Variants in BLVRA observed in about 807,000 individuals in gnomAD.
The protein encoded by BLVRA is biliverdin reductase A.
In BLVRA, 22 loss-of-function variants were observed where a neutral mutation model predicts 32.8. That is an observed-to-expected ratio of 0.67 (90% CI 0.48 to 0.96). BLVRA has a LOEUF of 0.96. BLVRA is among the 40% of genes least tolerant of loss of function. The probability of loss-of-function intolerance (pLI) is 0.00; values close to 1 mark genes in which losing one functional copy is unlikely to be tolerated. For synonymous variants in BLVRA, 119 were observed against 141.3 expected (o/e 0.84, Z 1.12); for missense variants, 323 against 358.1 (o/e 0.90, Z 0.79).
chr7:43,800,744 G>A (rs1292230309), intron 6 of BLVRA, among the ~76,000 whole-genome samples, 172 bp downstream of exon 6: 2 of 152,122 alleles, frequency 1.3e-5, no homozygotes, highest in Non-Finnish European at 2.9e-5. Flanking sequence ...TGGGTAAAGA[G>A]TATGTTAGAA....
intron 1 of BLVRA, among the ~76,000 whole-genome samples, chr7:43,763,326 G>A (rs1260037615): frequency 1.3e-5 from 2 of 152,104 alleles, no homozygotes; most frequent in African/African-American, 4.8e-5. Context: ...CAGGCAGGGG[G>A]AGCACAAGTA....
chr7:43,799,536 G>C (rs1305969058), intron 5 of BLVRA, among the ~76,000 whole-genome samples: 8 of 151,714 alleles, frequency 5.3e-5, no homozygotes, highest in Non-Finnish European at 1.0e-4. Flanking sequence ...GCACTGGTAC[G>C]ATCTTGGCTA....
chr7:43,797,303 G>T (rs2132588421), intron 5 of BLVRA, among the ~76,000 whole-genome samples: 2 of 152,310 alleles, frequency 1.3e-5, no homozygotes, highest in East Asian at 3.9e-4. Flanking sequence ...GGCCAGGCTG[G>T]TCTTGAACTC....
intron 2 of BLVRA, among the ~76,000 whole-genome samples, chr7:43,779,168 G>A (rs2095765693): frequency 6.6e-6 from 1 of 152,186 alleles, no homozygotes; most frequent in Non-Finnish European, 1.5e-5. Context: ...CCACTGTCTG[G>A]CACTCCCTAG....
At chr7:43,785,659 G>A (rs1000226265) in intron 2 of BLVRA, among the ~76,000 whole-genome samples, 2 of 152,224 alleles carry the variant, frequency 1.3e-5, no homozygotes, top group African/African-American at 4.8e-5. Context: ...CAAGCTGCAG[G>A]CTGACAGAGG....
At chr7:43,779,037 A>G (rs2132561577) in intron 2 of BLVRA, among the ~76,000 whole-genome samples, 1 of 152,248 alleles carries the variant, frequency 6.6e-6, no homozygotes, top group East Asian at 1.9e-4. Context: ...GAGTGACCCA[A>G]TTTTCCAGGT....
At chr7:43,759,460 C>T (rs2095739921) in intron 1 of BLVRA, among the ~76,000 whole-genome samples, 1 of 152,138 alleles carries the variant, frequency 6.6e-6, no homozygotes, top group Non-Finnish European at 1.5e-5. Context: ...AGGAGTTTTC[C>T]ATCCTATTAT....
At chr7:43,762,012 G>A (rs2095742841) in intron 1 of BLVRA, among the ~76,000 whole-genome samples, 1 of 152,120 alleles carries the variant, frequency 6.6e-6, no homozygotes, top group African/African-American at 2.4e-5. Context: ...CTCTGAGGCT[G>A]GCAGCTGGCC....
chr7:43,801,701 A>G (rs2095798895), intron 6 of BLVRA, among the ~76,000 whole-genome samples: 1 of 152,128 alleles, frequency 6.6e-6, no homozygotes, highest in African/African-American at 2.4e-5. Context: ...GGTATTCACT[A>G]CCCCCATTAT....
At chr7:43,762,485 A>C (rs998614411) in intron 1 of BLVRA, among the ~76,000 whole-genome samples, 2 of 151,234 alleles carry the variant, frequency 1.3e-5, no homozygotes, top group African/African-American at 4.9e-5. Flanking sequence ...GAAGCTGTTT[A>C]GTCCTGGCTG....
At chr7:43,774,823 G>A (rs191628366) in intron 2 of BLVRA, among the ~76,000 whole-genome samples, 79 of 152,230 alleles carry the variant, frequency 5.2e-4, no homozygotes, top group African/African-American at 1.8e-3. Flanking sequence ...ATTGAGCAGT[G>A]GTTTGTAGTT....
At chr7:43,786,817 G>A (rs2095778177) in intron 2 of BLVRA, among the ~76,000 whole-genome samples, 1 of 152,240 alleles carries the variant, frequency 6.6e-6, no homozygotes, top group Admixed American at 6.5e-5. Flanking sequence ...TCAGTGGGAA[G>A]TGGTGACAAC....
chr7:43,764,221 T>C (rs1430930814), intron 1 of BLVRA: 2 of 146,542 alleles, frequency 1.4e-5, no homozygotes, highest in African/African-American at 4.9e-5. Context: ...CCTGTAGCAC[T>C]CGGCTGGGCA....
At chr7:43,805,036 C>T (rs1198551424) in intron 7 of BLVRA, among the ~76,000 whole-genome samples, 6 of 152,122 alleles carry the variant, frequency 3.9e-5, no homozygotes, top group South Asian at 4.1e-4. Context: ...AGTGGTGGCC[C>T]GGGCTCTGGT....
Position 43,800,584 on chromosome 7 carries a change from G to T in BLVRA, c.460+12G>T, listed in dbSNP as rs17246030. The T allele has an allele frequency of 6.2e-7, 1 of 1,609,116 alleles. No individual in the cohort carries two copies. Among genetic ancestry groups the T allele is most frequent in the Non-Finnish European group, 8.5e-7 (1 of 1,175,698 alleles). On this transcript the variant is annotated intron_variant, in intron 6 of 7. Coordinates refer to ENST00000265523, the MANE Select transcript of BLVRA (RefSeq NM_000712.4). Reference sequence around the variant, plus strand: ...GCTCCTCTTCACAGGTCAGTGCTACGTGGGATCACAGGTCACATGTGAGGT... The same window carrying T: ...GCTCCTCTTCACAGGTCAGTGCTACTTGGGATCACAGGTCACATGTGAGGT...
intron 5 of BLVRA, 35 bp from the exon 6 acceptor site, chr7:43,800,430 C>T (rs560704730): frequency 1.2e-5 from 19 of 1,588,776 alleles, no homozygotes; most frequent in East Asian, 2.2e-5. Flanking sequence ...ACACAACTGA[C>T]GACTGCCCTT....
chr7:43,799,708 A>G (rs2095796600), intron 5 of BLVRA, among the ~76,000 whole-genome samples: 1 of 151,902 alleles, frequency 6.6e-6, no homozygotes, highest in Non-Finnish European at 1.5e-5. Flanking sequence ...TCCTGAGCTT[A>G]GGCAATCCAC....
chr7:43,793,450 C>T (rs1262246275), intron 5 of BLVRA, among the ~76,000 whole-genome samples: 1 of 152,100 alleles, frequency 6.6e-6, no homozygotes, highest in Non-Finnish European at 1.5e-5. Context: ...CTTAAGTTCA[C>T]ATTTGTTCCC....
rs1454799627 is a variant in BLVRA at position 43,807,034 on chromosome 7, C to T, written c.690C>T (p.Ser230=). The T allele has an allele frequency of 2.5e-6, 4 of 1,613,984 alleles. No homozygotes were observed. In the Admixed American group the frequency reaches 6.7e-5, roughly 27 times the overall value. Residue 230 remains serine (S), a synonymous_variant, in exon 8 of 8, where the codon AGC becomes AGT. Transcript: ENST00000265523. The part of the protein sequence containing the change: ...GPGLKRNRYL[S]FHFKSGSLEN... The stretch of plus-strand genomic sequence containing the variant: ...GTCTAAAACGAAACAGATATTTAAG[C>T]TTCCATTTCAAGTCTGGGTCCTTGG...
Sources: allele counts gnomAD v4.1 joint callset (sites outside exome capture counted in the v4.1 genomes callset), GRCh38; gene constraint gnomAD v4.1.1; transcripts MANE v1.5; gene names NCBI Gene and HGNC (gene_info 2026-07-23, HGNC 2026-07-21).